LAMA3: variants seen among roughly 807,000 people sequenced by gnomAD.
LAMA3 encodes laminin subunit alpha-3.
LAMA3 carries 281 observed loss-of-function variants against 402.0 expected under a neutral mutation model. The ratio of observed to expected loss-of-function variants is 0.70; its 90% confidence interval spans 0.63 to 0.77. The LOEUF is 0.77. Ranked by LOEUF, LAMA3 falls within the 30% of genes least tolerant of loss-of-function variation. The pLI is 0.00. For missense variants in LAMA3, 3,840 were observed against 4,215.5 expected (o/e 0.91, Z 2.47); for synonymous variants, 1,431 against 1,558.4 (o/e 0.92, Z 1.93).
chr18:23,821,412 A>G (rs992075858), intron 19 of LAMA3, among the ~76,000 whole-genome samples: 1 of 152,254 alleles, frequency 6.6e-6, no homozygotes, highest in Non-Finnish European at 1.5e-5. Context: ...TGTCACCAAT[A>G]TCTCGCTTAA....
At chr18:23,817,826 C>T (rs1340286528) in intron 18 of LAMA3, among the ~76,000 whole-genome samples, 1 of 152,074 alleles carries the variant, frequency 6.6e-6, no homozygotes, top group Non-Finnish European at 1.5e-5. Flanking sequence ...TCCTGAAGAC[C>T]ATTGAGCCTC....
At position 23,909,306 on chromosome 18, in the gene LAMA3, C is replaced by A. The variant is rs374597234; in HGVS notation, c.7158+11C>A. On this transcript the variant is annotated intron_variant, in intron 55 of 74. Coordinates refer to ENST00000313654, the MANE Select transcript of LAMA3 (RefSeq NM_198129.4). ...GATGCTGCCAGTAAGGTGAGTGTGT[C>A]CCCACGTGGTCAGTGGCCAAGGCTA... 49 of 1,609,636 alleles carry A rather than the reference C, an allele frequency of 3.0e-5. No homozygotes were observed. The highest frequency in any genetic ancestry group is 3.9e-5 in the Non-Finnish European group (46 of 1,179,294).
At chr18:23,799,409 T>A (rs1052849300) in intron 12 of LAMA3, among the ~76,000 whole-genome samples, 2 of 152,238 alleles carry the variant, frequency 1.3e-5, no homozygotes, top group African/African-American at 4.8e-5. Flanking sequence ...TACTAATAGT[T>A]GGATTGAAAT....
chr18:23,808,496 G>A (rs1372688758), intron 12 of LAMA3, among the ~76,000 whole-genome samples: 1 of 152,156 alleles, frequency 6.6e-6, no homozygotes, highest in East Asian at 1.9e-4. Flanking sequence ...GTAACACCTA[G>A]CAAGGGTGCT....
chr18:23,827,539 C>T, intron 23 of LAMA3, 72 bp downstream of exon 23: 1 of 1,513,268 alleles, frequency 6.6e-7, no homozygotes, highest in Non-Finnish European at 9.0e-7. Context: ...AATACTTGGC[C>T]ACAGTTGCTT....
chr18:23,886,852 G>T (rs12966099), intron 41 of LAMA3, among the ~76,000 whole-genome samples: 1 of 152,206 alleles, frequency 6.6e-6, no homozygotes, highest in Non-Finnish European at 1.5e-5. Flanking sequence ...GGAGCCAGAA[G>T]ATGGAAGTGG....
intron 8 of LAMA3, among the ~76,000 whole-genome samples, chr18:23,768,561 T>C (rs2062128872): frequency 1.3e-5 from 2 of 152,232 alleles, no homozygotes; most frequent in Non-Finnish European, 2.9e-5. Flanking sequence ...TAAATTATTT[T>C]AGCCACTATG....
chr18:23,716,524 A>T (rs970588915), intron 2 of LAMA3, among the ~76,000 whole-genome samples: 1 of 152,172 alleles, frequency 6.6e-6, no homozygotes, highest in Admixed American at 6.5e-5. Flanking sequence ...AAAATGACCC[A>T]TACTGAACTT....
chr18:23,734,349 C>G (rs770734428), intron 2 of LAMA3, among the ~76,000 whole-genome samples: 1 of 152,204 alleles, frequency 6.6e-6, no homozygotes, highest in Non-Finnish European at 1.5e-5. Flanking sequence ...CAGGGATCTT[C>G]CGGACAATAC....
intron 38 of LAMA3, among the ~76,000 whole-genome samples, chr18:23,872,182 A>G (rs2064544473): frequency 6.6e-6 from 1 of 152,160 alleles, no homozygotes; most frequent in East Asian, 1.9e-4. Context: ...AACTGACCTT[A>G]TACCTTTCTC....
At chr18:23,728,341 C>G (rs2061333483) in intron 2 of LAMA3, among the ~76,000 whole-genome samples, 1 of 152,050 alleles carries the variant, frequency 6.6e-6, no homozygotes, top group Non-Finnish European at 1.5e-5. Context: ...GACAATGGGG[C>G]ATTTGGTCCC....
At chr18:23,848,072 C>G (rs9955402) in intron 32 of LAMA3, among the ~76,000 whole-genome samples, 25,665 of 152,184 alleles carry the variant, frequency 0.17, 3,332 homozygotes, top group East Asian at 0.63. Context: ...GAGCTTCATA[C>G]CCTCCTTCTA....
chr18:23,894,382 A>C (rs1046311380), intron 43 of LAMA3, 34 bp downstream of exon 43: 3 of 1,580,850 alleles, frequency 1.9e-6, no homozygotes, highest in African/African-American at 1.3e-5. Context: ...CTCCTTTCCA[A>C]GTTGTGGGGT....
intron 41 of LAMA3, among the ~76,000 whole-genome samples, chr18:23,885,242 G>A (rs2065033947): frequency 2.0e-5 from 3 of 149,662 alleles, no homozygotes; most frequent in Admixed American, 6.7e-5. Context: ...TGCCCTCAAC[G>A]TATCCCTACT....
intron 12 of LAMA3, among the ~76,000 whole-genome samples, chr18:23,803,040 T>C (rs1315011100): frequency 6.6e-6 from 1 of 152,216 alleles, no homozygotes; most frequent in Admixed American, 6.5e-5. Flanking sequence ...ATTCCATTTG[T>C]TGTGAAGCGA....
At chr18:23,916,400 A>T in intron 59 of LAMA3, 151 bp from the exon 60 acceptor site, 1 of 832,052 alleles carries the variant, frequency 1.2e-6, no homozygotes. Flanking sequence ...TAACATTTTA[A>T]AGATGTCTCC....
chr18:23,835,779 A>G (rs2063570117), intron 24 of LAMA3, among the ~76,000 whole-genome samples: 1 of 152,206 alleles, frequency 6.6e-6, no homozygotes, highest in South Asian at 2.1e-4. Context: ...ATGTTAAATG[A>G]CAGGCCCTTT....
intron 13 of LAMA3, among the ~76,000 whole-genome samples, chr18:23,812,285 T>C (rs1396956519): frequency 6.6e-6 from 1 of 152,112 alleles, no homozygotes; most frequent in Admixed American, 6.5e-5. Flanking sequence ...GAGGTTGCAG[T>C]GAGCTATGAT....
At chr18:23,948,693 C>T (rs1434813897) in intron 70 of LAMA3, among the ~76,000 whole-genome samples, 1 of 152,014 alleles carries the variant, frequency 6.6e-6, no homozygotes, top group Non-Finnish European at 1.5e-5. Flanking sequence ...CCTCAGTCTC[C>T]TGCATAGCTG....
Sources: allele counts gnomAD v4.1 joint callset (sites outside exome capture counted in the v4.1 genomes callset), GRCh38; gene constraint gnomAD v4.1.1; transcripts MANE v1.5; gene names NCBI Gene and HGNC (gene_info 2026-07-23, HGNC 2026-07-21).